Variants in GAPVD1 observed in about 807,000 individuals in gnomAD.
GAPVD1 encodes the protein GTPase activating protein and VPS9 domains 1, also known as GTPase-activating protein and VPS9 domain-containing protein 1.
GAPVD1 carries 35 observed loss-of-function variants against 155.5 expected under a neutral mutation model. The observed-to-expected ratio is 0.23, with a 90% CI of 0.17 to 0.30. The LOEUF is 0.30. Ranked by LOEUF, GAPVD1 falls within the 10% of genes least tolerant of loss-of-function variation. The pLI is 1.00. For synonymous variants in GAPVD1, 636 were observed against 619.7 expected, an observed-to-expected ratio of 1.03 and a Z score of -0.39; for missense variants, 1,429 against 1,775.7, an observed-to-expected ratio of 0.80 and a Z score of 3.51.
chr9:125,346,607 C>T (rs1228647829), intron 19 of GAPVD1: 2 of 595,824 alleles, frequency 3.4e-6, no homozygotes, highest in Non-Finnish European at 6.1e-6. Context: ...GAAGGTGGAG[C>T]TACTCTTCCC....
At chr9:125,346,794 T>G (rs374339677) in intron 19 of GAPVD1, 25 bp from the exon 20 acceptor site, 121 of 1,603,196 alleles carry the variant, frequency 7.5e-5, no homozygotes, top group Non-Finnish European at 1.0e-4. Context: ...AGGGGCTAAT[T>G]CTCTCACTCT....
chr9:125,340,845 T>G (rs1463515925), intron 17 of GAPVD1, among the ~76,000 whole-genome samples: 1 of 152,210 alleles, frequency 6.6e-6, no homozygotes, highest in Admixed American at 6.5e-5. Flanking sequence ...CAAACAAGAC[T>G]GACTTTCTTA....
chr9:125,304,612 G>T (rs1323453367), intron 5 of GAPVD1, among the ~76,000 whole-genome samples: 2 of 152,138 alleles, frequency 1.3e-5, no homozygotes, highest in African/African-American at 4.8e-5. Flanking sequence ...ACCAGCTTAT[G>T]TTAGGAATCA....
chr9:125,351,996 C>G (rs1849355588), intron 23 of GAPVD1, among the ~76,000 whole-genome samples: 1 of 152,218 alleles, frequency 6.6e-6, no homozygotes, highest in African/African-American at 2.4e-5. Flanking sequence ...CTAACTCAGC[C>G]TCCCAAAGTG....
chr9:125,282,636 G>A (rs1156442784), intron 2 of GAPVD1, among the ~76,000 whole-genome samples: 1 of 152,228 alleles, frequency 6.6e-6, no homozygotes, highest in African/African-American at 2.4e-5. Flanking sequence ...ATGATAAAAA[G>A]TTACCCTACC....
At chr9:125,325,411 A>T (rs561055838) in intron 11 of GAPVD1, among the ~76,000 whole-genome samples, 4 of 148,194 alleles carry the variant, frequency 2.7e-5, no homozygotes, top group African/African-American at 1.0e-4. Context: ...AGTCCCAGCT[A>T]CTCGGGAGGC....
At chr9:125,272,615 G>A (rs1161653529) in intron 2 of GAPVD1, among the ~76,000 whole-genome samples, 1 of 152,100 alleles carries the variant, frequency 6.6e-6, no homozygotes, top group Non-Finnish European at 1.5e-5. Context: ...TTGAAATTAT[G>A]AATTCCATAA....
At chr9:125,266,128 T>A (rs142479629) in intron 1 of GAPVD1, among the ~76,000 whole-genome samples, 1 of 31,364 alleles carries the variant, frequency 3.2e-5, no homozygotes, top group Non-Finnish European at 5.8e-5. Flanking sequence ...ATATCTATAA[T>A]TTTTTTTTTT....
At chr9:125,329,178 C>G (rs907459685) in intron 12 of GAPVD1, among the ~76,000 whole-genome samples, 1 of 152,138 alleles carries the variant, frequency 6.6e-6, no homozygotes, top group Admixed American at 6.5e-5. Context: ...TTACTTTGTT[C>G]CAGATGCCAA....
At chr9:125,330,381 C>T (rs144323139) in intron 13 of GAPVD1, among the ~76,000 whole-genome samples, 163 bp downstream of exon 13, 24 of 150,674 alleles carry the variant, frequency 1.6e-4, no homozygotes, top group East Asian at 5.9e-4. Flanking sequence ...TGCTGTGGCG[C>T]GATCCCAACT....
chr9:125,318,002 A>G (rs555130233), intron 9 of GAPVD1, among the ~76,000 whole-genome samples: 47 of 152,294 alleles, frequency 3.1e-4, no homozygotes, highest in African/African-American at 1.1e-3. Context: ...CAAAGACATT[A>G]TATGTTGATA....
At chr9:125,351,882 A>G (rs1849341979) in intron 23 of GAPVD1, among the ~76,000 whole-genome samples, 1 of 152,154 alleles carries the variant, frequency 6.6e-6, no homozygotes, top group Non-Finnish European at 1.5e-5. Context: ...CTGGGATTAC[A>G]GGCATGCGCC....
At position 125,330,120 on chromosome 9, in the gene GAPVD1, C is replaced by A; in HGVS notation, c.2075C>A (p.Pro692Gln). 6.2e-7 allele frequency: 1 copy of A among 1,612,380 alleles called. No homozygotes were observed. The highest frequency in any genetic ancestry group is 8.5e-7 in the Non-Finnish European group (1 of 1,178,746). ...ATGTTAGGCAGTTTGCTGTGCCTCC[C>A]AGGTTCAGGGTCAGTGCTTCTTGAC... ...ENMLGSLLCL[P>Q]GSGSVLLDPC... The change falls in exon 13 of 28, where the codon CCA (proline) becomes CAA (glutamine). Residue 692 changes from proline to glutamine, a missense_variant. Pro to Gln is a moderately conservative substitution (Grantham distance 76). Transcript: ENST00000297933.
chr9:125,282,403 G>A (rs528397578), intron 2 of GAPVD1, among the ~76,000 whole-genome samples: 1 of 152,076 alleles, frequency 6.6e-6, no homozygotes, highest in Non-Finnish European at 1.5e-5. Flanking sequence ...TCCCAAAGTG[G>A]TGGGATTACA....
chr9:125,283,856 T>C (rs1197427265), intron 2 of GAPVD1, among the ~76,000 whole-genome samples: 1 of 152,008 alleles, frequency 6.6e-6, no homozygotes, highest in South Asian at 2.1e-4. Context: ...TTGTAATATA[T>C]GTATTTTCCT....
chr9:125,327,361 C>T (rs1037483499), intron 12 of GAPVD1, among the ~76,000 whole-genome samples: 2 of 151,902 alleles, frequency 1.3e-5, no homozygotes, highest in African/African-American at 4.8e-5. Context: ...TTTTCTTCAA[C>T]TTTTATTTTA....
At chr9:125,311,354 G>T (rs1375490577) in intron 8 of GAPVD1, among the ~76,000 whole-genome samples, 1 of 152,174 alleles carries the variant, frequency 6.6e-6, no homozygotes, top group Non-Finnish European at 1.5e-5. Flanking sequence ...GGGCACGGTG[G>T]CTCATGCCTG....
At chr9:125,355,979 C>T (rs375573644) in intron 25 of GAPVD1, 122 bp downstream of exon 25, 7 of 641,614 alleles carry the variant, frequency 1.1e-5, no homozygotes, top group Non-Finnish European at 1.7e-5. Flanking sequence ...TCATTGGTTA[C>T]CATTTTTCAC....
chr9:125,264,112 G>T, intron 1 of GAPVD1: 1 of 737,042 alleles, frequency 1.4e-6, no homozygotes, highest in Non-Finnish European at 2.4e-6. Flanking sequence ...TTGAATCATT[G>T]AAGGCAGACA....
Sources: allele counts gnomAD v4.1 joint callset (sites outside exome capture counted in the v4.1 genomes callset), GRCh38; gene constraint gnomAD v4.1.1; transcripts MANE v1.5; gene names NCBI Gene and HGNC (gene_info 2026-07-23, HGNC 2026-07-21).